The following EFCAB6 variants were observed in gnomAD, a reference collection of about 807,000 sequenced individuals.
EFCAB6 encodes EF-hand calcium binding domain 6, also known as EF-hand calcium-binding domain-containing protein 6.
EFCAB6 carries 156 observed loss-of-function variants against 169.8 expected under a neutral mutation model. The observed-to-expected ratio is 0.92, with a 90% CI of 0.81 to 1.05. The LOEUF (loss-of-function observed/expected upper bound fraction) is 1.05. Among genes scored for constraint, EFCAB6 ranks in the 50% least tolerant of loss-of-function variants. The pLI is 0.00. For missense variants in EFCAB6, 1,800 were observed against 1,829.1 expected, an observed-to-expected ratio of 0.98 and a Z score of 0.29; for synonymous variants, 698 against 676.4, an observed-to-expected ratio of 1.03 and a Z score of -0.50.
intron 17 of EFCAB6, among the ~76,000 whole-genome samples, chr22:43,657,125 A>C (rs2056785268): frequency 7.4e-6 from 1 of 134,834 alleles, no homozygotes. Flanking sequence ...CCCTGTTTCT[A>C]CAAAAAAAAC....
At chr22:43,803,820 A>AT (rs1479609807) in intron 2 of EFCAB6, among the ~76,000 whole-genome samples, 1 of 152,226 alleles carries the variant, frequency 6.6e-6, no homozygotes, top group African/African-American at 2.4e-5. Context: ...ACTAGACCTA[A>AT]TAGGGCTAAC....
intron 2 of EFCAB6, among the ~76,000 whole-genome samples, chr22:43,806,751 A>G (rs1369379729): frequency 6.6e-6 from 1 of 152,106 alleles, no homozygotes; most frequent in Non-Finnish European, 1.5e-5. Flanking sequence ...GGCACACTTC[A>G]ATTAATCTTT....
At chr22:43,619,941 C>CA (rs1196351698) in intron 20 of EFCAB6, among the ~76,000 whole-genome samples, 1 of 151,850 alleles carries the variant, frequency 6.6e-6, no homozygotes, top group East Asian at 1.9e-4. Flanking sequence ...CAAAAACCAC[C>CA]AAAAAACCCA....
intron 1 of EFCAB6, among the ~76,000 whole-genome samples, chr22:43,810,749 T>G (rs1445507840): frequency 6.6e-6 from 1 of 152,188 alleles, no homozygotes; most frequent in Non-Finnish European, 1.5e-5. Flanking sequence ...TCACCTATCA[T>G]GAACCAAGCA....
chr22:43,534,612 C>T, intron 30 of EFCAB6, 76 bp downstream of exon 30: 4 of 1,375,060 alleles, frequency 2.9e-6, no homozygotes, highest in Non-Finnish European at 3.9e-6. Flanking sequence ...TAGAGTAAGA[C>T]CCTGTCTTGA....
chr22:43,555,178 TG>T, intron 26 of EFCAB6, 82 bp from the exon 27 acceptor site: 1 of 1,452,936 alleles, frequency 6.9e-7, no homozygotes. Flanking sequence ...CAGGGCAAGT[TG>T]CAGGGAGACC....
Position 43,574,358 on chromosome 22 carries a change from C to T in EFCAB6, c.3420+1939G>A, listed in dbSNP as rs144035027. ...GGCAGGGTAGTGCATAGAAAGAACA[C>T]CAGCTCTGAAGCCGAACCCTCCGGC... On this transcript the variant is annotated intron_variant, in intron 26 of 31. Transcript: ENST00000262726. Among the ~76,000 whole-genome samples the T allele has an allele frequency of 8.3e-3, 1,270 of 152,112 alleles. 8 individuals carry two copies. The highest frequency in any genetic ancestry group is 0.013 in the Admixed American group (191 of 15,278).
In EFCAB6 at chr22:43,795,939, C is replaced by A. The variant is rs1480370717; in HGVS notation, c.-8+13056G>T. Reference sequence around the variant, plus strand: ...CACACACACACCCCTTCATCACACACGTACCACACACAACTCACCCCCCAC... The same window carrying A: ...CACACACACACCCCTTCATCACACAAGTACCACACACAACTCACCCCCCAC... On this transcript the variant is annotated intron_variant, in intron 2 of 31. Coordinates refer to ENST00000262726, the MANE Select transcript of EFCAB6 (RefSeq NM_022785.4). This position sits in a 1 kb window ranked among gnomAD's most constrained non-coding sequence, Gnocchi z 4.2. Among the ~76,000 whole-genome samples the A allele has an allele frequency of 1.3e-5, 2 of 150,586 alleles. No homozygotes were observed. Among genetic ancestry groups the A allele is most frequent in the African/African-American group, 4.9e-5 (2 of 40,900 alleles).
chr22:43,596,338 TA>T (rs942349114), intron 23 of EFCAB6, among the ~76,000 whole-genome samples: 37 of 151,826 alleles, frequency 2.4e-4, no homozygotes, highest in Non-Finnish European at 1.9e-4. Flanking sequence ...ATTTTATATT[TA>T]AAAAAAACCT....
chr22:43,780,486 C>CAAAAAA (rs34634496), intron 3 of EFCAB6, among the ~76,000 whole-genome samples: 5 of 49,026 alleles, frequency 1.0e-4, no homozygotes, highest in African/African-American at 1.7e-4. Context: ...GACTCTGTCT[C>CAAAAAA]AAAAAAAAAA....
intron 10 of EFCAB6, among the ~76,000 whole-genome samples, chr22:43,707,014 G>A (rs1215400023): frequency 6.6e-6 from 1 of 152,206 alleles, no homozygotes; most frequent in Non-Finnish European, 1.5e-5. Context: ...CCCATGTCAA[G>A]GACAGTAAGA....
intron 17 of EFCAB6, among the ~76,000 whole-genome samples, chr22:43,658,058 G>A (rs1182540462): frequency 2.0e-5 from 3 of 151,706 alleles, no homozygotes; most frequent in Non-Finnish European, 2.9e-5. Context: ...GTGAAACCCC[G>A]TCTCTACTAA....
intron 26 of EFCAB6, among the ~76,000 whole-genome samples, chr22:43,574,600 AT>A (rs1401564391): frequency 6.6e-6 from 1 of 151,680 alleles, no homozygotes. Context: ...TATTTTTTGC[AT>A]TGTCCCCAAT....
At chr22:43,531,669 C>T (rs747081506) in intron 30 of EFCAB6, among the ~76,000 whole-genome samples, 28 of 152,088 alleles carry the variant, frequency 1.8e-4, no homozygotes, top group Non-Finnish European at 4.0e-4. Flanking sequence ...GGTTAAGCTG[C>T]TTTCATTTTT....
At chr22:43,789,070 G>A (rs6006444) in intron 2 of EFCAB6, among the ~76,000 whole-genome samples, 20 of 152,242 alleles carry the variant, frequency 1.3e-4, no homozygotes, top group African/African-American at 4.6e-4. Flanking sequence ...GGAAGGGGAA[G>A]CAGGGGCTAA....
At chr22:43,583,015 T>TTCA (rs1412955004) in intron 24 of EFCAB6, among the ~76,000 whole-genome samples, 2 of 152,182 alleles carry the variant, frequency 1.3e-5, no homozygotes, top group Non-Finnish European at 2.9e-5. Context: ...AATTATTAGC[T>TTCA]GAACTGTTTG....
chr22:43,767,148 A>G (rs1281644353), intron 4 of EFCAB6, among the ~76,000 whole-genome samples: 2 of 152,040 alleles, frequency 1.3e-5, no homozygotes, highest in South Asian at 2.1e-4. Flanking sequence ...ATGGCTCCCA[A>G]CTCTACACAA....
At chr22:43,653,728 G>A (rs2056596625) in intron 17 of EFCAB6, among the ~76,000 whole-genome samples, 1 of 152,152 alleles carries the variant, frequency 6.6e-6, no homozygotes, top group Admixed American at 6.5e-5. Context: ...ATTGCTGGAG[G>A]CTGAGTGTGA....
intron 17 of EFCAB6, among the ~76,000 whole-genome samples, chr22:43,658,900 C>T (rs1422191505): frequency 1.3e-5 from 2 of 152,228 alleles, no homozygotes; most frequent in Admixed American, 6.5e-5. Flanking sequence ...CCTCCCCCAA[C>T]ACACACCAGC....
Sources: allele counts gnomAD v4.1 joint callset (sites outside exome capture counted in the v4.1 genomes callset), GRCh38; gene constraint gnomAD v4.1.1; non-coding constraint Gnocchi (gnomAD v3.1); transcripts MANE v1.5; gene names NCBI Gene and HGNC (gene_info 2026-07-23, HGNC 2026-07-21).